Variants in DZIP3 observed in about 807,000 individuals in gnomAD.
DZIP3 encodes E3 ubiquitin-protein ligase DZIP3.
Under a neutral mutation model 162.0 loss-of-function variants are expected in DZIP3, and 118 were observed. The observed-to-expected ratio is 0.73, with a 90% CI of 0.63 to 0.85. The LOEUF is 0.85. Ranked by LOEUF, DZIP3 falls within the 40% of genes least tolerant of loss-of-function variation. The pLI is 0.00. For missense variants in DZIP3, 1,331 were observed against 1,407.0 expected, an observed-to-expected ratio of 0.95 and a Z score of 0.86; for synonymous variants, 438 against 458.6, an observed-to-expected ratio of 0.96 and a Z score of 0.57.
intron 8 of DZIP3, among the ~76,000 whole-genome samples, chr3:108,629,780 G>A (rs1054083544): frequency 1.1e-4 from 17 of 150,724 alleles, no homozygotes; most frequent in African/African-American, 3.6e-4. Flanking sequence ...TATACAATGC[G>A]ATTTTGGCAT....
intron 32 of DZIP3, among the ~76,000 whole-genome samples, chr3:108,692,238 T>C (rs1214820555): frequency 6.6e-6 from 1 of 152,138 alleles, no homozygotes; most frequent in Non-Finnish European, 1.5e-5. Flanking sequence ...CTGCCCCTGC[T>C]TGGCACATGA....
intron 24 of DZIP3, among the ~76,000 whole-genome samples, chr3:108,675,198 T>C (rs1053211823): frequency 2.0e-5 from 3 of 152,030 alleles, no homozygotes; most frequent in Admixed American, 2.0e-4. Flanking sequence ...AAGTTGTTCC[T>C]ACTTTTGTTA....
In DZIP3 at chr3:108,605,391, A is replaced by C; in HGVS notation, c.-16A>C. ...AAGCAGTGGAATAAGATTTTTGTAA[A>C]GAAACCTTGTGCAGCATGGATTCTC... is the stretch of plus-strand genomic sequence containing the variant. On this transcript the variant is annotated 5_prime_UTR_variant, in exon 2 of 33. Coordinates refer to ENST00000361582, the MANE Select transcript of DZIP3 (RefSeq NM_014648.4). 6.2e-7 allele frequency: 1 copy of C among 1,613,550 alleles called. No homozygotes were observed. The highest frequency in any genetic ancestry group is 8.5e-7 in the Non-Finnish European group (1 of 1,179,706).
At chr3:108,660,619 A>G (rs1341417686) in intron 19 of DZIP3, among the ~76,000 whole-genome samples, 1 of 152,128 alleles carries the variant, frequency 6.6e-6, no homozygotes, top group Non-Finnish European at 1.5e-5. Context: ...AATGGCAACA[A>G]AAGCCAAAAT....
intron 21 of DZIP3, among the ~76,000 whole-genome samples, chr3:108,663,849 T>G (rs966689276): frequency 1.3e-5 from 2 of 152,206 alleles, no homozygotes; most frequent in Non-Finnish European, 1.5e-5. Context: ...ATCAAGGGCC[T>G]ACTATATTAG....
intron 19 of DZIP3, among the ~76,000 whole-genome samples, chr3:108,661,187 T>A (rs1943411455): frequency 6.6e-6 from 1 of 152,182 alleles, no homozygotes; most frequent in Non-Finnish European, 1.5e-5. Flanking sequence ...CATGCACACG[T>A]ATGTTTATTG....
intron 12 of DZIP3, among the ~76,000 whole-genome samples, chr3:108,641,428 CTAATT>C (rs1158176800): frequency 6.6e-6 from 1 of 152,096 alleles, no homozygotes; most frequent in Non-Finnish European, 1.5e-5. Context: ...TATTGCTTCA[CTAATT>C]TAATTATTCT....
chr3:108,672,478 C>T (rs1943957529), intron 22 of DZIP3, 82 bp from the exon 23 acceptor site: 3 of 1,159,182 alleles, frequency 2.6e-6, no homozygotes, highest in Non-Finnish European at 2.6e-6. Flanking sequence ...GATTGTATAA[C>T]TTATCTTTCT....
At chr3:108,675,986 T>C (rs1944095330) in intron 25 of DZIP3, 113 bp downstream of exon 25, 1 of 894,836 alleles carries the variant, frequency 1.1e-6, no homozygotes, top group East Asian at 3.0e-5. Context: ...ATTTTAGTTA[T>C]AAAAGTTTAT....
At position 108,694,783 on chromosome 3, in the gene DZIP3, A is replaced by ATACT. The variant is rs937215377; in HGVS notation, c.*1434_*1437dup. 1.3e-5 allele frequency: 2 copies of ATACT among 152,242 alleles called. No individual in the cohort carries two copies. The highest frequency in any genetic ancestry group is 6.5e-5 in the Admixed American group (1 of 15,284). 9.4% of individuals were successfully genotyped at this position (152,242 alleles called of 1,614,324 possible). The stretch of plus-strand genomic sequence containing the variant: ...TTGTAAAACCAATGTTTCTTAGTTC[A>ATACT]TACTTACAACTGCAATTTCACTTTC... On this transcript the variant is annotated 3_prime_UTR_variant, in exon 33 of 33. Transcript: ENST00000361582.
At chr3:108,685,888 A>G (rs1283699816) in intron 27 of DZIP3, among the ~76,000 whole-genome samples, 1 of 152,178 alleles carries the variant, frequency 6.6e-6, no homozygotes, top group Admixed American at 6.5e-5. Context: ...ATACATATGC[A>G]TTTAAAATTT....
At chr3:108,643,687 C>A (rs894755635) in intron 13 of DZIP3, among the ~76,000 whole-genome samples, 4 of 151,544 alleles carry the variant, frequency 2.6e-5, no homozygotes, top group South Asian at 2.1e-4. Flanking sequence ...TCCTTAGTCA[C>A]CCAAACCGCA....
At chr3:108,657,522 C>CA (rs1199595875) in intron 19 of DZIP3, among the ~76,000 whole-genome samples, 5 of 152,140 alleles carry the variant, frequency 3.3e-5, no homozygotes, top group Non-Finnish European at 5.9e-5. Flanking sequence ...CCAGTACCAG[C>CA]AACTGCAAAA....
At chr3:108,610,395 A>T (rs1041290964) in intron 3 of DZIP3, among the ~76,000 whole-genome samples, 2 of 152,200 alleles carry the variant, frequency 1.3e-5, no homozygotes, top group Admixed American at 1.3e-4. Flanking sequence ...ACCATAGTTG[A>T]GATTAGACAG....
intron 1 of DZIP3, among the ~76,000 whole-genome samples, chr3:108,599,199 C>T (rs1481628731): frequency 6.6e-6 from 1 of 152,146 alleles, no homozygotes; most frequent in Non-Finnish European, 1.5e-5. Context: ...TGCAAAGTGG[C>T]AAGAGCTAAC....
intron 7 of DZIP3, among the ~76,000 whole-genome samples, chr3:108,628,156 C>T (rs1941672613): frequency 6.6e-6 from 1 of 152,164 alleles, no homozygotes; most frequent in South Asian, 2.1e-4. Context: ...GGATTACAGG[C>T]ATGAGCCACC....
chr3:108,643,138 T>C (rs1942472827), intron 13 of DZIP3, among the ~76,000 whole-genome samples: 1 of 152,162 alleles, frequency 6.6e-6, no homozygotes. Context: ...AATAAATCTC[T>C]TGAAACATAG....
chr3:108,600,606 C>T (rs558052695), intron 1 of DZIP3, among the ~76,000 whole-genome samples: 1 of 152,228 alleles, frequency 6.6e-6, no homozygotes, highest in African/African-American at 2.4e-5. Flanking sequence ...TAGCATTTCT[C>T]CTTCACAGTA....
chr3:108,597,887 T>A (rs1427481501), intron 1 of DZIP3, among the ~76,000 whole-genome samples: 1 of 152,234 alleles, frequency 6.6e-6, no homozygotes, highest in Non-Finnish European at 1.5e-5. Flanking sequence ...TTTAGGGCTA[T>A]GTGATCAAAA....
Sources: gnomAD v4.1 joint callset for allele counts (sites outside exome capture counted in the v4.1 genomes callset) on GRCh38, gnomAD v4.1.1 for gene constraint, MANE v1.5 for transcripts, NCBI Gene and HGNC (gene_info 2026-07-23, HGNC 2026-07-21) for gene names.